The following KCTD1 variants were observed in gnomAD, a reference collection of about 807,000 sequenced individuals.
The protein encoded by KCTD1 is potassium channel tetramerization domain containing 1.
Under a neutral mutation model 66.0 loss-of-function variants are expected in KCTD1, and 24 were observed. That is an observed-to-expected ratio of 0.36 (90% CI 0.26 to 0.51). The LOEUF (loss-of-function observed/expected upper bound fraction) is 0.51. Among genes scored for constraint, KCTD1 ranks in the 20% least tolerant of loss-of-function variants. The probability of loss-of-function intolerance (pLI) is 0.95; values close to 1 mark genes in which losing one functional copy is unlikely to be tolerated. For synonymous variants in KCTD1, 511 were observed against 517.2 expected, an observed-to-expected ratio of 0.99 and a Z score of 0.16; for missense variants, 943 against 1,205.2, an observed-to-expected ratio of 0.78 and a Z score of 3.22.
At chr18:26,619,639 G>A (rs1987329266) in intron 1 of KCTD1, among the ~76,000 whole-genome samples, 1 of 152,130 alleles carries the variant, frequency 6.6e-6, no homozygotes. Flanking sequence ...TTAAGGCCTG[G>A]GCACTGGAAT....
At chr18:26,492,986 C>A (rs1048075957) in intron 2 of KCTD1, among the ~76,000 whole-genome samples, 3 of 152,194 alleles carry the variant, frequency 2.0e-5, no homozygotes, top group African/African-American at 7.2e-5. Flanking sequence ...GATCTGGCCT[C>A]TGAGTACAAT....
intron 1 of KCTD1, among the ~76,000 whole-genome samples, chr18:26,540,476 G>C (rs1359202292): frequency 1.3e-5 from 2 of 152,120 alleles, no homozygotes; most frequent in Non-Finnish European, 2.9e-5. Flanking sequence ...TTATATGCGA[G>C]TGTTTTTCAA....
chr18:26,570,184 T>TAAAA (rs10648043), intron 1 of KCTD1, among the ~76,000 whole-genome samples: 21,095 of 120,614 alleles, frequency 0.17, 2,114 homozygotes, highest in Non-Finnish European at 0.2. Context: ...AGACTCCATC[T>TAAAA]AAAAAAAATA....
intron 2 of KCTD1, among the ~76,000 whole-genome samples, chr18:26,477,505 A>G (rs1289121928): frequency 1.3e-5 from 2 of 152,250 alleles, no homozygotes; most frequent in African/African-American, 4.8e-5. Flanking sequence ...CTGTGAAAAC[A>G]TAGAGGGCTG....
chr18:26,471,251 C>T (rs535763414), intron 3 of KCTD1, among the ~76,000 whole-genome samples: 3 of 151,854 alleles, frequency 2.0e-5, no homozygotes, highest in Non-Finnish European at 2.9e-5. Flanking sequence ...TTGGTGATGA[C>T]GCTTCTGTAA....
chr18:26,494,875 C>T (rs1306345278), intron 2 of KCTD1, among the ~76,000 whole-genome samples: 1 of 152,054 alleles, frequency 6.6e-6, no homozygotes, highest in Non-Finnish European at 1.5e-5. Context: ...TTCCTTAAGA[C>T]TTTTCATAGC....
chr18:26,517,419 G>A (rs1983705992), intron 1 of KCTD1, among the ~76,000 whole-genome samples: 1 of 152,190 alleles, frequency 6.6e-6, no homozygotes, highest in East Asian at 1.9e-4. Flanking sequence ...ACTTTGGGAG[G>A]CTGAGGTGGG....
chr18:26,508,751 A>G (rs986990711), intron 1 of KCTD1, among the ~76,000 whole-genome samples: 2 of 151,676 alleles, frequency 1.3e-5, no homozygotes, highest in Non-Finnish European at 2.9e-5. Context: ...CACACGCACA[A>G]CATCTGTATT....
At chr18:26,479,719 C>G (rs561290712) in intron 2 of KCTD1, among the ~76,000 whole-genome samples, 1 of 152,322 alleles carries the variant, frequency 6.6e-6, no homozygotes, top group Non-Finnish European at 1.5e-5. Flanking sequence ...AAAGGAGGAA[C>G]GTTGGAGTTG....
chr18:26,619,392 C>G (rs1424003832), intron 1 of KCTD1, among the ~76,000 whole-genome samples: 3 of 152,168 alleles, frequency 2.0e-5, no homozygotes, highest in African/African-American at 7.2e-5. Flanking sequence ...GAAAAATTTC[C>G]ATACTATTAC....
intron 1 of KCTD1, among the ~76,000 whole-genome samples, chr18:26,605,375 C>G (rs552431046): frequency 6.6e-6 from 1 of 152,174 alleles, no homozygotes; most frequent in Non-Finnish European, 1.5e-5. Flanking sequence ...TGCCATTCCT[C>G]CCTTACACAA....
At chr18:26,584,680 G>T (rs918504130) in intron 1 of KCTD1, among the ~76,000 whole-genome samples, 3 of 152,164 alleles carry the variant, frequency 2.0e-5, no homozygotes, top group Non-Finnish European at 4.4e-5. Flanking sequence ...GAAGTGCTGA[G>T]ACAGGTATTC....
chr18:26,465,373 C>G (rs746191889), intron 3 of KCTD1, among the ~76,000 whole-genome samples: 3 of 152,182 alleles, frequency 2.0e-5, no homozygotes, highest in Admixed American at 6.5e-5. Context: ...TGTCAGCCAC[C>G]GTGCCCGGCC....
At chr18:26,498,000 CAGA>C (rs1174985836) in intron 2 of KCTD1, among the ~76,000 whole-genome samples, 1 of 152,090 alleles carries the variant, frequency 6.6e-6, no homozygotes. Flanking sequence ...CTGGGTTTGG[CAGA>C]AGATTAAGTA....
chr18:26,496,134 G>A (rs1231271229), intron 2 of KCTD1, among the ~76,000 whole-genome samples: 1 of 152,030 alleles, frequency 6.6e-6, no homozygotes, highest in Non-Finnish European at 1.5e-5. Flanking sequence ...TATTACCAAT[G>A]ATGTTAATAA....
intron 1 of KCTD1, among the ~76,000 whole-genome samples, chr18:26,535,948 CCCA>C (rs1160579927): frequency 7.5e-6 from 1 of 134,220 alleles, no homozygotes; most frequent in East Asian, 2.2e-4. Flanking sequence ...ATTTGCCTCC[CCCA>C]CAAGACTGAG....
chr18:26,549,924 G>T, upstream of KCTD1: 1 of 462,682 alleles, frequency 2.2e-6, no homozygotes, highest in Non-Finnish European at 2.8e-6. Flanking sequence ...TTGCGTCGCC[G>T]CCTCCCGCTC....
At chr18:26,612,715 T>C (rs1226374152) in intron 1 of KCTD1, among the ~76,000 whole-genome samples, 1 of 152,244 alleles carries the variant, frequency 6.6e-6, no homozygotes, top group Non-Finnish European at 1.5e-5. Context: ...CCATTCAGTG[T>C]GTGGTACTTT....
intron 2 of KCTD1, among the ~76,000 whole-genome samples, chr18:26,485,884 T>C (rs2144632602): frequency 6.6e-6 from 1 of 152,212 alleles, no homozygotes; most frequent in Admixed American, 6.5e-5. Flanking sequence ...TAACATGTAT[T>C]AAGAGTATCA....
Sources: gnomAD v4.1 joint callset for allele counts (sites outside exome capture counted in the v4.1 genomes callset) on GRCh38, gnomAD v4.1.1 for gene constraint, MANE v1.5 for transcripts, NCBI Gene and HGNC (gene_info 2026-07-23, HGNC 2026-07-21) for gene names.